Variants in LRRC8D observed in about 807,000 individuals in gnomAD.
The protein encoded by LRRC8D is volume-regulated anion channel subunit LRRC8D.
Under a neutral mutation model 55.8 loss-of-function variants are expected in LRRC8D, and 20 were observed. The ratio of observed to expected loss-of-function variants is 0.36; its 90% CI spans 0.25 to 0.52. The LOEUF is 0.52. Among genes scored for constraint, LRRC8D ranks in the 20% least tolerant of loss-of-function variants. The pLI, the probability that LRRC8D is intolerant of heterozygous loss-of-function variation, is 0.93. For synonymous variants in LRRC8D, 352 were observed against 377.0 expected (o/e 0.93, Z 0.77); for missense variants, 651 against 1,030.8 (o/e 0.63, Z 5.05).
intron 2 of LRRC8D, among the ~76,000 whole-genome samples, chr1:89,888,239 C>T (rs184649702): frequency 2.6e-4 from 39 of 152,196 alleles, no homozygotes; most frequent in Middle Eastern, 6.8e-3. Flanking sequence ...ATACTCTATT[C>T]GATAAAGTTG....
At chr1:89,829,878 A>G (rs1449177880) in intron 1 of LRRC8D, among the ~76,000 whole-genome samples, 1 of 152,214 alleles carries the variant, frequency 6.6e-6, no homozygotes, top group African/African-American at 2.4e-5. Flanking sequence ...TGATGATAGA[A>G]TGCCACTTGT....
Position 89,933,951 on chromosome 1 carries a change from C to A in LRRC8D, c.883C>A (p.Arg295Ser). The A allele has an allele frequency of 6.2e-7, 1 of 1,614,094 alleles. No individual in the cohort carries two copies. The highest frequency in any genetic ancestry group is 8.5e-7 in the Non-Finnish European group (1 of 1,179,998). The change falls in exon 3 of 3, where the codon CGT (arginine) becomes AGT (serine). Residue 295 changes from arginine (R) to serine (S), a missense_variant. Around this residue, in one of 5 missense-constraint regions of LRRC8D, gnomAD observed 178 missense variants for 374.9 expected, o/e 0.47. Coordinates refer to ENST00000337338, the MANE Select transcript of LRRC8D (RefSeq NM_001134479.2). This position sits in a 1 kb window ranked among gnomAD's most constrained non-coding sequence, Gnocchi z 7.0. ...KALFEKVRKF[R>S]AHVEDSDLIY... is the part of the protein sequence containing the mutation. ...CCTGTTTGAGAAAGTGAGGAAGTTC[C>A]GTGCCCATGTGGAAGATAGTGACTT...
intron 2 of LRRC8D, among the ~76,000 whole-genome samples, chr1:89,861,264 A>G (rs565415402): frequency 6.6e-6 from 1 of 152,330 alleles, no homozygotes; most frequent in South Asian, 2.1e-4. Flanking sequence ...TAGGAAAGTA[A>G]GCTAAATTCA....
chr1:89,915,524 A>G (rs887466666), intron 2 of LRRC8D, among the ~76,000 whole-genome samples: 3 of 152,226 alleles, frequency 2.0e-5, no homozygotes, highest in Non-Finnish European at 4.4e-5. Flanking sequence ...TTTGTAACCA[A>G]TGTATGATAT....
chr1:89,849,809 T>A (rs1028326942), intron 2 of LRRC8D, among the ~76,000 whole-genome samples: 10 of 152,194 alleles, frequency 6.6e-5, no homozygotes, highest in African/African-American at 2.4e-4. Flanking sequence ...ACATTGTAAC[T>A]TTCTTCTAGT....
chr1:89,876,900 A>G (rs1202295910), intron 2 of LRRC8D, among the ~76,000 whole-genome samples: 3 of 152,244 alleles, frequency 2.0e-5, no homozygotes, highest in Non-Finnish European at 4.4e-5. Context: ...TCTGCTCTCC[A>G]ATTTGGTAGC....
At position 89,935,699 on chromosome 1, in the gene LRRC8D, T is replaced by G. The variant is rs1301204257; in HGVS notation, c.*54T>G. 4 of 1,506,970 alleles carry G rather than the reference T, an allele frequency of 2.7e-6. No individual in the cohort carries two copies. The highest frequency in any genetic ancestry group is 3.7e-6 in the Non-Finnish European group (4 of 1,095,504). 93.3% of individuals were successfully genotyped at this position (1,506,970 alleles called of 1,614,324 possible). On this transcript the variant is annotated 3_prime_UTR_variant, in exon 3 of 3. Coordinates refer to ENST00000337338, the MANE Select transcript of LRRC8D (RefSeq NM_001134479.2). ...CAGGAACAACTTCCTAGATTGCAAG[T>G]GCTCACGTACAAGTTATTACAAGAT...
At chr1:89,825,494 T>G (rs1660741184) in intron 1 of LRRC8D, among the ~76,000 whole-genome samples, 1 of 152,250 alleles carries the variant, frequency 6.6e-6, no homozygotes, top group African/African-American at 2.4e-5. Context: ...GAGTTGCTTT[T>G]GAAATTTGTG....
chr1:89,837,900 G>A lies in LRRC8D; in HGVS notation c.-147-5738G>A, dbSNP rs142392745. Among the ~76,000 whole-genome samples the A allele has an allele frequency of 2.6e-5, 4 of 152,130 alleles. No homozygotes were observed. The East Asian group carries it at 5.8e-4, about 22-fold the overall frequency. On this transcript the variant is annotated intron_variant, in intron 1 of 2. Coordinates refer to ENST00000337338, the MANE Select transcript of LRRC8D (RefSeq NM_001134479.2). ...TTCTTCGTGTAGACTCCATTATAAT[G>A]TATAATGGAGAATTGTATTCAAGAT...
intron 2 of LRRC8D, among the ~76,000 whole-genome samples, chr1:89,890,231 A>G (rs1404580167): frequency 6.6e-6 from 1 of 152,108 alleles, no homozygotes; most frequent in African/African-American, 2.4e-5. Flanking sequence ...TGAGGATTCC[A>G]AAAACATTGT....
rs72965684 is a variant in LRRC8D at position 89,881,389 on chromosome 1, T to G, written c.-3+37607T>G. ...AGTCATCTAAAAAACGAAAGAATGA[T>G]GGACTTGGGAAATATGCTAGGATTG... On this transcript the variant is annotated intron_variant, in intron 2 of 2. Coordinates refer to ENST00000337338, the MANE Select transcript of LRRC8D (RefSeq NM_001134479.2). Among the ~76,000 whole-genome samples, 1,422 of 152,278 alleles carry G rather than the reference T, an allele frequency of 9.3e-3. 13 individuals carry two copies. Among genetic ancestry groups the G allele is most frequent in the African/African-American group, 0.033 (1,361 of 41,536 alleles).
At chr1:89,862,866 T>A (rs529148835) in intron 2 of LRRC8D, among the ~76,000 whole-genome samples, 7 of 152,358 alleles carry the variant, frequency 4.6e-5, no homozygotes, top group African/African-American at 1.7e-4. Flanking sequence ...CCTGACCCCT[T>A]GGCTTCCAGC....
intron 1 of LRRC8D, among the ~76,000 whole-genome samples, chr1:89,826,185 G>C (rs1344980740): frequency 6.6e-6 from 1 of 152,176 alleles, no homozygotes; most frequent in Non-Finnish European, 1.5e-5. Flanking sequence ...TTAGAATTAA[G>C]GATGCAGTTG....
intron 2 of LRRC8D, among the ~76,000 whole-genome samples, chr1:89,890,105 T>A (rs903207120): frequency 1.3e-5 from 2 of 152,172 alleles, no homozygotes; most frequent in African/African-American, 4.8e-5. Flanking sequence ...GAGAATGCCA[T>A]GAAACCGGGA....
At chr1:89,841,269 C>G (rs540475386) in intron 1 of LRRC8D, among the ~76,000 whole-genome samples, 149 of 152,278 alleles carry the variant, frequency 9.8e-4, no homozygotes, top group Non-Finnish European at 1.7e-3. Flanking sequence ...GTCTTCTTCC[C>G]CGCCCCTGCC....
At chr1:89,922,838 G>T (rs554046689) in intron 2 of LRRC8D, among the ~76,000 whole-genome samples, 1 of 152,290 alleles carries the variant, frequency 6.6e-6, no homozygotes, top group African/African-American at 2.4e-5. Flanking sequence ...CAAAGGTTGA[G>T]ATCTGGTTTC....
At chr1:89,867,241 A>G (rs1246905668) in intron 2 of LRRC8D, among the ~76,000 whole-genome samples, 2 of 152,246 alleles carry the variant, frequency 1.3e-5, no homozygotes, top group Non-Finnish European at 2.9e-5. Context: ...TTTAGAATAA[A>G]TGAAATAATA....
Position 89,879,056 on chromosome 1 carries a change from A to G in LRRC8D, c.-3+35274A>G, listed in dbSNP as rs187838151. 2.8e-4 allele frequency among the ~76,000 whole-genome samples: 42 copies of G among 150,466 alleles called. No homozygotes were observed. The East Asian group carries it at 7.8e-3, about 28-fold the overall frequency. Reference sequence around the variant, plus strand: ...GCACAGCTGTTTGGCTGCAGCCCCTATTTTTCTGTGCACATCCGTGCACCC... The same window carrying G: ...GCACAGCTGTTTGGCTGCAGCCCCTGTTTTTCTGTGCACATCCGTGCACCC... On this transcript the variant is annotated intron_variant, in intron 2 of 2. Transcript: ENST00000337338.
chr1:89,877,211 C>T (rs952134147), intron 2 of LRRC8D, among the ~76,000 whole-genome samples: 1 of 151,568 alleles, frequency 6.6e-6, no homozygotes, highest in Admixed American at 6.6e-5. Context: ...AAACTTCAAA[C>T]AGTTCTTTCT....
Sources: gnomAD v4.1 joint callset for allele counts (sites outside exome capture counted in the v4.1 genomes callset) on GRCh38, gnomAD v4.1.1 for gene constraint, gnomAD v4.1.1 regional missense constraint, Gnocchi (gnomAD v3.1) non-coding constraint, MANE v1.5 for transcripts, NCBI Gene and HGNC (gene_info 2026-07-23, HGNC 2026-07-21) for gene names.